LRFN5: variants seen among roughly 807,000 people sequenced by gnomAD.
LRFN5 encodes leucine rich repeat and fibronectin type III domain containing 5.
LRFN5 carries 24 observed loss-of-function variants against 45.6 expected under a neutral mutation model. The observed-to-expected ratio is 0.53, with a 90% CI of 0.38 to 0.74. LRFN5 has a LOEUF of 0.74. Ranked by LOEUF, LRFN5 falls within the 30% of genes least tolerant of loss-of-function variation. LRFN5 has a pLI of 0.00. For synonymous variants in LRFN5, 340 were observed against 313.8 expected, an observed-to-expected ratio of 1.08 and a Z score of -0.88; for missense variants, 776 against 861.5, an observed-to-expected ratio of 0.90 and a Z score of 1.24.
chr14:41,625,679 A>G (rs962298875), intron 1 of LRFN5, among the ~76,000 whole-genome samples: 13 of 152,144 alleles, frequency 8.5e-5, no homozygotes, highest in African/African-American at 2.9e-4. Context: ...ACCTTTAATG[A>G]TCATTTCTAA....
At chr14:41,775,093 C>CTTTTTTT (rs59438733) in intron 2 of LRFN5, among the ~76,000 whole-genome samples, 44,697 of 110,728 alleles carry the variant, frequency 0.4, 10,137 homozygotes, top group South Asian at 0.49. Context: ...TTTTCTTTTT[C>CTTTTTTT]TTTTTTTTTT....
At chr14:41,826,401 G>A (rs117618506) in intron 2 of LRFN5, among the ~76,000 whole-genome samples, 30 of 152,090 alleles carry the variant, frequency 2.0e-4, no homozygotes, top group Non-Finnish European at 3.2e-4. Flanking sequence ...TTCTCATGCT[G>A]TACTTTTAAT....
intron 2 of LRFN5, among the ~76,000 whole-genome samples, chr14:41,787,430 C>A (rs1886763248): frequency 6.6e-6 from 1 of 152,022 alleles, no homozygotes; most frequent in South Asian, 2.1e-4. Flanking sequence ...TAGGGATAAT[C>A]TCATTGCTAC....
At chr14:41,807,100 A>G (rs1887551039) in intron 2 of LRFN5, among the ~76,000 whole-genome samples, 1 of 152,112 alleles carries the variant, frequency 6.6e-6, no homozygotes, top group African/African-American at 2.4e-5. Flanking sequence ...TTAATATAAG[A>G]AGTAAAGAAA....
intron 2 of LRFN5, among the ~76,000 whole-genome samples, chr14:41,845,912 G>C (rs1192704568): frequency 6.6e-6 from 1 of 152,140 alleles, no homozygotes; most frequent in Non-Finnish European, 1.5e-5. Context: ...CTGCATTCCA[G>C]AGCTAAAACT....
intron 1 of LRFN5, among the ~76,000 whole-genome samples, chr14:41,673,121 A>G (rs906695507): frequency 3.9e-5 from 6 of 152,104 alleles, no homozygotes; most frequent in Non-Finnish European, 8.8e-5. Context: ...ACCTCTTTCT[A>G]CACAGACACG....
intron 1 of LRFN5, among the ~76,000 whole-genome samples, chr14:41,703,801 CATT>C (rs879725315): frequency 1.3e-5 from 2 of 152,048 alleles, no homozygotes; most frequent in African/African-American, 2.4e-5. Context: ...ATTTTATCAG[CATT>C]ATTGTAACAA....
intron 2 of LRFN5, among the ~76,000 whole-genome samples, chr14:41,781,600 GAA>G (rs1297761780): frequency 3.6e-4 from 30 of 82,750 alleles, no homozygotes; most frequent in East Asian, 2.0e-3. Flanking sequence ...AAGAAAGAAA[GAA>G]AGAAAGAAAG....
At chr14:41,674,845 A>C (rs147757813) in intron 1 of LRFN5, among the ~76,000 whole-genome samples, 44,796 of 148,874 alleles carry the variant, frequency 0.3, 6,723 homozygotes, top group Middle Eastern at 0.41. Context: ...CACTTCTCAG[A>C]CGGGGCGGTT....
At chr14:41,717,513 C>T (rs989746398) in intron 1 of LRFN5, among the ~76,000 whole-genome samples, 9 of 152,278 alleles carry the variant, frequency 5.9e-5, no homozygotes, top group South Asian at 2.1e-4. Context: ...AGGAGGGTTA[C>T]GAAACTTGGA....
At chr14:41,690,084 T>C (rs1882308184) in intron 1 of LRFN5, among the ~76,000 whole-genome samples, 1 of 152,086 alleles carries the variant, frequency 6.6e-6, no homozygotes, top group African/African-American at 2.4e-5. Flanking sequence ...AAATAAATTT[T>C]AAACTCTCCT....
intron 2 of LRFN5, among the ~76,000 whole-genome samples, chr14:41,846,132 C>T (rs1889053178): frequency 6.6e-6 from 1 of 152,030 alleles, no homozygotes; most frequent in Non-Finnish European, 1.5e-5. Context: ...TGTCCATACA[C>T]TGCTAGTGTG....
intron 1 of LRFN5, among the ~76,000 whole-genome samples, chr14:41,744,468 A>G (rs149229440): frequency 1.3e-5 from 2 of 152,342 alleles, no homozygotes; most frequent in African/African-American, 4.8e-5. Context: ...AATGAGGAGC[A>G]TTATTCTATA....
intron 1 of LRFN5, among the ~76,000 whole-genome samples, chr14:41,639,998 C>T (rs1879499520): frequency 8.3e-6 from 1 of 120,894 alleles, no homozygotes; most frequent in Non-Finnish European, 1.6e-5. Context: ...TGGGATCTCC[C>T]TATATTGCAT....
rs369016145 is a variant in LRFN5, at chr14:41,746,017, C to T, written c.-196-20837C>T. Among the ~76,000 whole-genome samples the T allele has an allele frequency of 1.9e-4, 29 of 152,088 alleles. No individual in the cohort carries two copies. The East Asian group carries it at 4.2e-3, about 22-fold the overall frequency. On this transcript the variant is annotated intron_variant, in intron 1 of 5. Coordinates refer to ENST00000298119, the MANE Select transcript of LRFN5 (RefSeq NM_152447.5). Reference sequence around the variant, plus strand: ...ACTCATTCTATGAGGCCACCATTACCCTGGTAGCAAAGTCAAAGGAAGATA... The same window carrying T: ...ACTCATTCTATGAGGCCACCATTACTCTGGTAGCAAAGTCAAAGGAAGATA...
At chr14:41,785,080 CT>C (rs147954620) in intron 2 of LRFN5, among the ~76,000 whole-genome samples, 1 of 151,846 alleles carries the variant, frequency 6.6e-6, no homozygotes, top group African/African-American at 2.4e-5. Context: ...GCCACTCTAG[CT>C]TTTTTTTGGA....
chr14:41,797,761 C>G lies in LRFN5; in HGVS notation c.-21+30732C>G, dbSNP rs188825239. 2.2e-4 allele frequency among the ~76,000 whole-genome samples: 34 copies of G among 151,800 alleles called. No homozygotes were observed. In the East Asian group the frequency reaches 6.6e-3, roughly 29 times the overall value. On this transcript the variant is annotated intron_variant, in intron 2 of 5. Transcript: ENST00000298119. ...TGTTCATCTTTGAGAAAACTAACAT[C>G]CCAGTGATATTCATTTGTTCCATTC...
chr14:41,632,289 T>A (rs1220916250), intron 1 of LRFN5, among the ~76,000 whole-genome samples: 1 of 152,192 alleles, frequency 6.6e-6, no homozygotes, highest in Non-Finnish European at 1.5e-5. Flanking sequence ...TATGTTAATC[T>A]CATAACGGCC....
intron 2 of LRFN5, among the ~76,000 whole-genome samples, chr14:41,832,910 A>G (rs1272094141): frequency 6.6e-6 from 1 of 152,184 alleles, no homozygotes; most frequent in Non-Finnish European, 1.5e-5. Flanking sequence ...TAACAGAAAC[A>G]TTGTGGGAAG....
Sources: allele counts gnomAD v4.1 joint callset (sites outside exome capture counted in the v4.1 genomes callset), GRCh38; gene constraint gnomAD v4.1.1; transcripts MANE v1.5; gene names NCBI Gene and HGNC (gene_info 2026-07-23, HGNC 2026-07-21).